The following NALF1 variants were observed in gnomAD, a reference collection of about 807,000 sequenced individuals.
The protein encoded by NALF1 is NALCN channel auxiliary factor 1, also known as family with sequence similarity 155 member A.
In NALF1, 3 loss-of-function variants were observed where a neutral mutation model predicts 48.4. The observed-to-expected ratio is 0.06, with a 90% CI of 0.03 to 0.16. The LOEUF is 0.16. Among genes scored for constraint, NALF1 ranks in the 10% least tolerant of loss-of-function variants. The pLI is 1.00. For synonymous variants in NALF1, 262 were observed against 245.7 expected, an observed-to-expected ratio of 1.07 and a Z score of -0.62; for missense variants, 526 against 571.5, an observed-to-expected ratio of 0.92 and a Z score of 0.81.
chr13:107,487,290 C>A (rs1371974775), intron 1 of NALF1, among the ~76,000 whole-genome samples: 1 of 152,164 alleles, frequency 6.6e-6, no homozygotes, highest in Non-Finnish European at 1.5e-5. Flanking sequence ...TTTTCACTCG[C>A]AATCCCACAG....
intron 1 of NALF1, among the ~76,000 whole-genome samples, chr13:107,541,194 T>C (rs1370915672): frequency 1.3e-5 from 2 of 152,138 alleles, no homozygotes; most frequent in African/African-American, 2.4e-5. Flanking sequence ...GATCGTTACA[T>C]GTCTGTTTGA....
chr13:107,584,402 T>C (rs894970702), intron 1 of NALF1, among the ~76,000 whole-genome samples: 2 of 152,148 alleles, frequency 1.3e-5, no homozygotes, highest in African/African-American at 2.4e-5. Context: ...GAATATGAGT[T>C]TTCTTCTAAA....
intron 1 of NALF1, among the ~76,000 whole-genome samples, chr13:107,574,836 T>C (rs1378045126): frequency 2.0e-5 from 3 of 152,160 alleles, no homozygotes; most frequent in African/African-American, 7.2e-5. Flanking sequence ...AAATGGAAAC[T>C]TGACTCCATG....
intron 1 of NALF1, among the ~76,000 whole-genome samples, chr13:107,240,467 T>C (rs1012526703): frequency 1.3e-5 from 2 of 152,202 alleles, no homozygotes; most frequent in African/African-American, 4.8e-5. Flanking sequence ...GGGACTTTTG[T>C]TAGATTTAAA....
At chr13:107,556,075 T>C (rs1877464931) in intron 1 of NALF1, among the ~76,000 whole-genome samples, 1 of 152,022 alleles carries the variant, frequency 6.6e-6, no homozygotes, top group Non-Finnish European at 1.5e-5. Context: ...AGATATATTA[T>C]TCACTTGAAA....
intron 1 of NALF1, among the ~76,000 whole-genome samples, chr13:107,421,807 A>G (rs1884193605): frequency 6.6e-6 from 1 of 152,162 alleles, no homozygotes; most frequent in African/African-American, 2.4e-5. Context: ...CTTTTTCTGC[A>G]GTCATTGAAA....
intron 1 of NALF1, among the ~76,000 whole-genome samples, chr13:107,832,716 A>C (rs190239137): frequency 1.8e-4 from 27 of 152,180 alleles, no homozygotes; most frequent in Admixed American, 1.6e-3. Context: ...CTCTTCCTTC[A>C]ACCCTTACAG....
chr13:107,516,615 GA>G (rs376121945), intron 1 of NALF1, among the ~76,000 whole-genome samples: 33 of 149,394 alleles, frequency 2.2e-4, no homozygotes, highest in Non-Finnish European at 3.0e-4. Context: ...ATTGCATTTA[GA>G]AAAAAAAAAT....
chr13:107,244,358 C>T (rs1880536268), intron 1 of NALF1, among the ~76,000 whole-genome samples: 1 of 152,180 alleles, frequency 6.6e-6, no homozygotes, highest in East Asian at 1.9e-4. Context: ...GAATTAATGC[C>T]ACATCCCCTA....
intron 1 of NALF1, among the ~76,000 whole-genome samples, chr13:107,557,766 C>T (rs1373166024): frequency 6.6e-6 from 1 of 152,166 alleles, no homozygotes; most frequent in African/African-American, 2.4e-5. Context: ...CATATGCATT[C>T]TCCATGCCAC....
At chr13:107,719,986 C>A (rs1388718543) in intron 1 of NALF1, among the ~76,000 whole-genome samples, 1 of 152,082 alleles carries the variant, frequency 6.6e-6, no homozygotes, top group African/African-American at 2.4e-5. Context: ...TTGGAATGCC[C>A]TCCCCATCTC....
intron 1 of NALF1, among the ~76,000 whole-genome samples, chr13:107,842,173 T>C (rs1018258265): frequency 6.6e-6 from 1 of 152,010 alleles, no homozygotes; most frequent in Non-Finnish European, 1.5e-5. Flanking sequence ...ATCATTGATA[T>C]AAACATGGCC....
chr13:107,344,039 G>C (rs1209458616), intron 1 of NALF1, among the ~76,000 whole-genome samples: 2 of 151,740 alleles, frequency 1.3e-5, no homozygotes, highest in African/African-American at 2.4e-5. Context: ...CAAAAAAGGA[G>C]ATAATAAGCG....
chr13:107,752,993 A>G (rs1876981937), intron 1 of NALF1, among the ~76,000 whole-genome samples: 1 of 152,218 alleles, frequency 6.6e-6, no homozygotes. Context: ...GTTATGAATT[A>G]TTTTGTTCCC....
intron 1 of NALF1, among the ~76,000 whole-genome samples, chr13:107,828,604 TATACACAC>T (rs1175614776): frequency 3.8e-3 from 105 of 27,288 alleles, no homozygotes; most frequent in African/African-American, 6.8e-3. Flanking sequence ...TATCTATATC[TATACACAC>T]ACACACACAC....
intron 1 of NALF1, among the ~76,000 whole-genome samples, chr13:107,451,744 C>A (rs1380279044): frequency 8.5e-5 from 13 of 152,184 alleles, no homozygotes; most frequent in Admixed American, 8.5e-4. Context: ...CATTGCACAT[C>A]GCTCTATCCA....
chr13:107,286,586 C>CA (rs1159508752), intron 1 of NALF1, among the ~76,000 whole-genome samples: 26,104 of 101,810 alleles, frequency 0.26, 3,356 homozygotes, highest in Non-Finnish European at 0.35. Flanking sequence ...GACCCTGTCT[C>CA]AAAAAAAAAA....
intron 1 of NALF1, among the ~76,000 whole-genome samples, chr13:107,801,555 C>T (rs1482996270): frequency 6.6e-6 from 1 of 152,122 alleles, no homozygotes; most frequent in East Asian, 1.9e-4. Flanking sequence ...GCCTTGGCAG[C>T]TGTCAATGGA....
intron 1 of NALF1, among the ~76,000 whole-genome samples, chr13:107,679,218 A>G (rs1186401704): frequency 2.6e-5 from 4 of 152,210 alleles, no homozygotes; most frequent in Non-Finnish European, 5.9e-5. Context: ...GTAAATCTTC[A>G]CATCAAAAAA....
Sources: gnomAD v4.1 joint callset for allele counts (sites outside exome capture counted in the v4.1 genomes callset) on GRCh38, gnomAD v4.1.1 for gene constraint, MANE v1.5 for transcripts, NCBI Gene and HGNC (gene_info 2026-07-23, HGNC 2026-07-21) for gene names.